ZAN: variants seen among roughly 807,000 people sequenced by gnomAD.
The protein encoded by ZAN is zonadhesin.
A neutral mutation model predicts 286.2 loss-of-function variants in ZAN; 260 were observed. The ratio of observed to expected loss-of-function variants is 0.91; its 90% confidence interval spans 0.82 to 1.01. The LOEUF is 1.01. Among genes scored for constraint, ZAN ranks in the 50% least tolerant of loss-of-function variants. The pLI is 0.00. For missense variants in ZAN, 3,410 were observed against 3,639.2 expected, an observed-to-expected ratio of 0.94 and a Z score of 1.62; for synonymous variants, 1,368 against 1,417.5, an observed-to-expected ratio of 0.97 and a Z score of 0.79.
intron 35 of ZAN, among the ~76,000 whole-genome samples, chr7:100,784,003 T>C (rs1250806940): frequency 6.6e-6 from 1 of 151,072 alleles, no homozygotes; most frequent in African/African-American, 2.4e-5. Flanking sequence ...CTCCCTGCTC[T>C]GTGCCTCCAT....
intron 14 of ZAN, among the ~76,000 whole-genome samples, chr7:100,754,193 T>TG (rs1808987090): frequency 6.6e-6 from 1 of 151,846 alleles, no homozygotes. Flanking sequence ...GCACGGTGGC[T>TG]CACGCCTGTA....
intron 39 of ZAN, among the ~76,000 whole-genome samples, chr7:100,790,561 CAAA>C (rs71517127): frequency 1.6e-5 from 1 of 61,862 alleles, no homozygotes; most frequent in Non-Finnish European, 3.7e-5. Flanking sequence ...GACTCCATCT[CAAA>C]AAAAAAAAAA....
In ZAN at chr7:100,751,836, C is replaced by A. The variant is rs960021740; in HGVS notation, c.1731C>A (p.Pro577=). ...TKKPTVSIEK[P]SVTTEKPTVP... ...AACCTACAGTTTCCATAGAAAAACC[C>A]AGTGTCACCACAGAAAAGCCCACAG... is the stretch of plus-strand genomic sequence containing the variant. Residue 577 remains proline, a synonymous_variant, in exon 14 of 48, where the codon CCC becomes CCA. Coordinates refer to ENST00000613979, the MANE Select transcript of ZAN (RefSeq NM_003386.3). The A allele has an allele frequency of 6.2e-7, 1 of 1,613,606 alleles. No individual in the cohort carries two copies. Among genetic ancestry groups the A allele is most frequent in the African/African-American group, 1.3e-5 (1 of 74,866 alleles).
chr7:100,784,093 C>T (rs186006893), intron 35 of ZAN, among the ~76,000 whole-genome samples: 150 of 150,414 alleles, frequency 1.0e-3, no homozygotes, highest in Non-Finnish European at 1.8e-3. Context: ...GTTTGACCAC[C>T]GTCCTTCATG....
intron 8 of ZAN, among the ~76,000 whole-genome samples, chr7:100,747,000 C>T (rs1281081055): frequency 1.3e-5 from 2 of 152,126 alleles, no homozygotes; most frequent in Non-Finnish European, 2.9e-5. Context: ...AGGAGAATCG[C>T]TTGAACCCGG....
chr7:100,753,520 C>A (rs1272648150), intron 14 of ZAN, among the ~76,000 whole-genome samples: 1 of 152,058 alleles, frequency 6.6e-6, no homozygotes, highest in Non-Finnish European at 1.5e-5. Context: ...AAAATTCACC[C>A]TTTTAAAGTG....
intron 34 of ZAN, among the ~76,000 whole-genome samples, chr7:100,779,135 G>A (rs1377403208): frequency 6.6e-6 from 1 of 151,486 alleles, no homozygotes; most frequent in African/African-American, 2.4e-5. Flanking sequence ...CCCGGGAGGC[G>A]GAGGTCTCAG....
intron 15 of ZAN, among the ~76,000 whole-genome samples, chr7:100,757,326 G>A (rs533989595): frequency 1.3e-5 from 2 of 152,172 alleles, no homozygotes; most frequent in African/African-American, 2.4e-5. Context: ...CACTGGGGTC[G>A]CCACGAATAG....
chr7:100,790,461 CTGAGGCAGGAGAATGGA>C (rs1471506292), intron 39 of ZAN, among the ~76,000 whole-genome samples: 2 of 150,702 alleles, frequency 1.3e-5, no homozygotes, highest in African/African-American at 2.4e-5. Flanking sequence ...ACTCGTGAGG[CTGAGGCAGGAGAATGGA>C]GTGAACCTGG....
chr7:100,783,550 A>G (rs1334418671), intron 35 of ZAN, among the ~76,000 whole-genome samples: 1 of 149,882 alleles, frequency 6.7e-6, no homozygotes, highest in African/African-American at 2.5e-5. Flanking sequence ...CCTGGCCAAC[A>G]TGGTGAAACC....
chr7:100,787,904 C>A lies in ZAN; in HGVS notation c.6995C>A (p.Ser2332Ter). The change falls in exon 38 of 48, where the codon TCA becomes TAA. Residue 2332 changes from serine to a stop codon, truncating the protein, a stop_gained. Coordinates refer to ENST00000613979, the MANE Select transcript of ZAN (RefSeq NM_003386.3). LOFTEE classifies it high-confidence loss of function. ...NCVSDKSEQC[S>*]VYGDPRYLTF... ...TTCTTGGCAGAGTCTGAACAATGCT[C>A]AGTCTATGGCGACCCCCGTTACCTC... The A allele has an allele frequency of 1.3e-6, 2 of 1,530,186 alleles. No homozygotes were observed. The highest frequency in any genetic ancestry group is 8.9e-7 in the Non-Finnish European group (1 of 1,123,654). 94.8% of individuals were successfully genotyped at this position (1,530,186 alleles called of 1,614,324 possible).
At position 100,795,137 on chromosome 7, in the gene ZAN, C is replaced by T. The variant is rs1269000218; in HGVS notation, c.8126-59C>T. 88 of 1,549,264 alleles carry T rather than the reference C, an allele frequency of 5.7e-5. 1 individual carries two copies. In the South Asian group the frequency reaches 9.6e-4, roughly 17 times the overall value. On this transcript the variant is annotated intron_variant, in intron 44 of 47. Transcript: ENST00000613979. ...GCGTCCCAGCCCCCAGCCAGGCCTT[C>T]CCTCAGCTGGGAGTGTCCTCCCAGG...
At chr7:100,785,264 A>C in intron 36 of ZAN, among the ~76,000 whole-genome samples, 1 of 115,444 alleles carries the variant, frequency 8.7e-6, no homozygotes. Flanking sequence ...GTCTCCCTCT[A>C]TTATCCAGCA....
intron 19 of ZAN, among the ~76,000 whole-genome samples, chr7:100,761,273 A>T (rs1809557592): frequency 6.6e-6 from 1 of 152,270 alleles, no homozygotes; most frequent in Middle Eastern, 3.4e-3. Context: ...GGAGGCTGAG[A>T]CGGGAGAATC....
chr7:100,775,343 A>G lies in ZAN; in HGVS notation c.5795A>G (p.Gln1932Arg). 6.2e-7 allele frequency: 1 copy of G among 1,613,174 alleles called. No individual in the cohort carries two copies. The highest frequency in any genetic ancestry group is 1.1e-5 in the South Asian group (1 of 90,882). The part of the protein sequence containing the change: ...HCRASGVGVC[Q>R]LPGESHYVSF... ...GTCCTCCCAGGTGTGGGAGTGTGTC[A>G]GCTCCCAGGGGAGTCCCACTACGTG... Residue 1932 changes from glutamine to arginine, a missense_variant, in exon 32 of 48, where the codon CAG becomes CGG. This residue lies in a region of ZAN where 1,289 missense variants were observed against 1,314.3 expected (regional missense o/e 0.98). Coordinates refer to ENST00000613979, the MANE Select transcript of ZAN (RefSeq NM_003386.3).
At chr7:100,759,527 C>T (rs565374787) in intron 17 of ZAN, among the ~76,000 whole-genome samples, 194 bp from the exon 18 acceptor site, 35 of 152,272 alleles carry the variant, frequency 2.3e-4, no homozygotes, top group Admixed American at 2.2e-3. Context: ...GAGACAGACA[C>T]GCTGCGGCTG....
At chr7:100,742,852 G>C (rs1370831816) in intron 7 of ZAN, among the ~76,000 whole-genome samples, 1 of 29,924 alleles carries the variant, frequency 3.3e-5, no homozygotes, top group Non-Finnish European at 8.4e-5. Context: ...CGTGGGGAGA[G>C]GGAGACGGAG....
At chr7:100,777,028 G>A (rs1032434744) in intron 34 of ZAN, among the ~76,000 whole-genome samples, 2 of 140,460 alleles carry the variant, frequency 1.4e-5, no homozygotes, top group Non-Finnish European at 3.1e-5. Context: ...CACCGCGCCC[G>A]GCCCCTCTCC....
Position 100,746,533 on chromosome 7 carries a change from C to T in ZAN, c.767-5C>T. 2 of 1,613,788 alleles carry T rather than the reference C, an allele frequency of 1.2e-6. No individual in the cohort carries two copies. The highest frequency in any genetic ancestry group is 1.7e-6 in the Non-Finnish European group (2 of 1,179,818). Reference sequence around the variant, plus strand: ...ACCCCAGTTCCCTGGCCTTTTGCTTCACAGGTGGCTGCTACATGCTCCTGG... The same window carrying T: ...ACCCCAGTTCCCTGGCCTTTTGCTTTACAGGTGGCTGCTACATGCTCCTGG... On this transcript the variant is annotated splice_polypyrimidine_tract_variant and splice_region_variant and intron_variant, in intron 7 of 47. Coordinates refer to ENST00000613979, the MANE Select transcript of ZAN (RefSeq NM_003386.3).
Sources: gnomAD v4.1 joint callset for allele counts (sites outside exome capture counted in the v4.1 genomes callset) on GRCh38, gnomAD v4.1.1 for gene constraint, gnomAD v4.1.1 regional missense constraint, MANE v1.5 for transcripts, NCBI Gene and HGNC (gene_info 2026-07-23, HGNC 2026-07-21) for gene names.